Variants in PIK3C2G observed in about 807,000 individuals in gnomAD.
PIK3C2G encodes phosphatidylinositol 3-kinase C2 domain-containing subunit gamma.
A neutral mutation model predicts 181.1 loss-of-function variants in PIK3C2G; 168 were observed. The ratio of observed to expected loss-of-function variants is 0.93; its 90% confidence interval spans 0.82 to 1.05. PIK3C2G has a LOEUF of 1.05. Among genes scored for constraint, PIK3C2G ranks in the 50% least tolerant of loss-of-function variants. The pLI, the probability that PIK3C2G is intolerant of heterozygous loss-of-function variation, is 0.00. For synonymous variants in PIK3C2G, 573 were observed against 592.2 expected (o/e 0.97, Z 0.47); for missense variants, 1,869 against 1,732.8 (o/e 1.08, Z -1.40).
chr12:18,344,966 T>C (rs1468794882), intron 10 of PIK3C2G, among the ~76,000 whole-genome samples: 1 of 152,202 alleles, frequency 6.6e-6, no homozygotes, highest in Non-Finnish European at 1.5e-5. Flanking sequence ...GAACCATGTT[T>C]CTGCATGAAA....
At chr12:18,713,712 T>C in the PIK3C2G span, 1 of 152,154 alleles carries the variant, frequency 6.6e-6, no homozygotes, top group African/African-American at 2.4e-5. Flanking sequence ...ATAATTTCAC[T>C]AGGAGAAACG....
the PIK3C2G span, chr12:18,705,031 C>A: frequency 9.1e-7 from 1 of 1,103,138 alleles, no homozygotes. Flanking sequence ...GGCAACATTG[C>A]AAAAATAAAC....
chr12:18,676,014 A>G, the PIK3C2G span, among the ~76,000 whole-genome samples: 1 of 152,004 alleles, frequency 6.6e-6, no homozygotes, highest in African/African-American at 2.4e-5. Context: ...TCTATTTAAA[A>G]AAAAACTTTT....
At chr12:18,463,201 C>T (rs1159993910) in intron 18 of PIK3C2G, among the ~76,000 whole-genome samples, 5 of 152,072 alleles carry the variant, frequency 3.3e-5, no homozygotes, top group South Asian at 2.1e-4. Context: ...CATGGTATAT[C>T]CTACGTACCA....
At chr12:18,296,877 G>T (rs1949963092) in intron 5 of PIK3C2G, among the ~76,000 whole-genome samples, 2 of 152,028 alleles carry the variant, frequency 1.3e-5, no homozygotes, top group Admixed American at 1.3e-4. Flanking sequence ...ATGCAAAATT[G>T]TCAGCAATAT....
chr12:18,252,185 G>T (rs1159438949), intron 1 of PIK3C2G, among the ~76,000 whole-genome samples: 12 of 152,052 alleles, frequency 7.9e-5, no homozygotes, highest in African/African-American at 2.7e-4. Context: ...TTATGTACAG[G>T]ATATAACCGA....
At chr12:18,281,064 G>C (rs1211123985) in intron 1 of PIK3C2G, among the ~76,000 whole-genome samples, 1 of 151,932 alleles carries the variant, frequency 6.6e-6, no homozygotes, top group East Asian at 1.9e-4. Context: ...ATTATGATTG[G>C]TTTTGGACTT....
At chr12:18,683,385 G>A in the PIK3C2G span, 1 of 1,544,574 alleles carries the variant, frequency 6.5e-7, no homozygotes, top group South Asian at 1.1e-5. Context: ...GTCTCCAATA[G>A]CCTTGCTGAG....
intron 18 of PIK3C2G, among the ~76,000 whole-genome samples, chr12:18,480,558 G>C (rs921368867): frequency 1.3e-5 from 2 of 152,068 alleles, no homozygotes; most frequent in Admixed American, 1.3e-4. Flanking sequence ...TCAGACATTG[G>C]ACCAAATTGA....
intron 8 of PIK3C2G, among the ~76,000 whole-genome samples, chr12:18,325,607 C>T (rs1951304598): frequency 6.6e-6 from 1 of 150,498 alleles, no homozygotes. Context: ...ACTTGGGAGG[C>T]TGAGGCAGGA....
intron 2 of PIK3C2G, among the ~76,000 whole-genome samples, chr12:18,283,330 A>G (rs1327216745): frequency 1.3e-5 from 2 of 152,060 alleles, no homozygotes; most frequent in Non-Finnish European, 2.9e-5. Flanking sequence ...CATTTTAGTA[A>G]CCAGAGTTTT....
chr12:18,488,365 T>G, intron 18 of PIK3C2G, 84 bp from the exon 19 acceptor site: 1 of 854,104 alleles, frequency 1.2e-6, no homozygotes, highest in Non-Finnish European at 1.7e-6. Flanking sequence ...CAGATTAGTT[T>G]GAAATGCACT....
intron 18 of PIK3C2G, among the ~76,000 whole-genome samples, chr12:18,430,685 A>G (rs1946105084): frequency 6.6e-6 from 1 of 152,188 alleles, no homozygotes; most frequent in Admixed American, 6.5e-5. Flanking sequence ...CAGGAGATTG[A>G]CCTGATCAGA....
chr12:18,684,360 T>C, the PIK3C2G span: 1 of 1,387,808 alleles, frequency 7.2e-7, no homozygotes, highest in South Asian at 1.3e-5. Context: ...TCTCCAAACT[T>C]TTTCTTTTCA....
intron 26 of PIK3C2G, among the ~76,000 whole-genome samples, chr12:18,548,653 A>G (rs776617824): frequency 1.9e-4 from 29 of 152,040 alleles, no homozygotes; most frequent in Non-Finnish European, 3.1e-4. Flanking sequence ...TCCTGCCTGC[A>G]TACCTCTGCC....
At chr12:18,396,514 C>A (rs544314647) in intron 15 of PIK3C2G, among the ~76,000 whole-genome samples, 2 of 149,454 alleles carry the variant, frequency 1.3e-5, no homozygotes, top group African/African-American at 4.9e-5. Flanking sequence ...AGCCAGCACA[C>A]AATGTGAAAA....
chr12:18,662,077 A>T, the PIK3C2G span, among the ~76,000 whole-genome samples: 1 of 152,144 alleles, frequency 6.6e-6, no homozygotes, highest in Admixed American at 6.6e-5. Flanking sequence ...CTAAATCTTG[A>T]GTACACATGG....
At chr12:18,306,462 C>T (rs1362618073) in intron 5 of PIK3C2G, among the ~76,000 whole-genome samples, 6 of 151,990 alleles carry the variant, frequency 3.9e-5, no homozygotes, top group Admixed American at 3.9e-4. Flanking sequence ...ACTCAAGAAG[C>T]ACTGGTTTAG....
intron 31 of PIK3C2G, among the ~76,000 whole-genome samples, chr12:18,639,336 G>A (rs932670330): frequency 1.3e-5 from 2 of 151,928 alleles, no homozygotes; most frequent in African/African-American, 4.8e-5. Context: ...AATGGAGCTG[G>A]GTGTGGGGGT....
Sources: gnomAD v4.1 joint callset for allele counts (sites outside exome capture counted in the v4.1 genomes callset) on GRCh38, gnomAD v4.1.1 for gene constraint, MANE v1.5 for transcripts, NCBI Gene and HGNC (gene_info 2026-07-23, HGNC 2026-07-21) for gene names.